HSD17B4: variants seen among roughly 807,000 people sequenced by gnomAD.
HSD17B4 encodes the protein peroxisomal multifunctional enzyme type 2.
Under a neutral mutation model 101.0 loss-of-function variants are expected in HSD17B4, and 70 were observed. The ratio of observed to expected loss-of-function variants is 0.69; its 90% CI spans 0.57 to 0.85. HSD17B4 has a LOEUF of 0.85. Among genes scored for constraint, HSD17B4 ranks in the 40% least tolerant of loss-of-function variants. HSD17B4 has a pLI of 0.00. For synonymous variants in HSD17B4, 347 were observed against 297.1 expected, an observed-to-expected ratio of 1.17 and a Z score of -1.73; for missense variants, 984 against 892.4, an observed-to-expected ratio of 1.10 and a Z score of -1.31.
intron 2 of HSD17B4, among the ~76,000 whole-genome samples, chr5:119,463,187 C>A (rs1284709378): frequency 3.3e-5 from 5 of 152,162 alleles, no homozygotes; most frequent in Non-Finnish European, 5.9e-5. Context: ...GACAGGATTT[C>A]ATTTTTTTAA....
intron 2 of HSD17B4, chr5:119,471,803 G>T (rs1756397446): frequency 6.5e-6 from 4 of 613,712 alleles, no homozygotes; most frequent in Non-Finnish European, 8.3e-6. Flanking sequence ...ATAAATTATT[G>T]TGTAAATTAA....
chr5:119,477,699 T>C, intron 7 of HSD17B4, 198 bp downstream of exon 7: 1 of 565,998 alleles, frequency 1.8e-6, no homozygotes, highest in East Asian at 3.0e-5. Flanking sequence ...GCTGGAAAGC[T>C]TTATATTTAT....
Position 119,509,123 on chromosome 5 carries a change from C to A in HSD17B4, c.1334-18C>A. The A allele has an allele frequency of 7.5e-7, 1 of 1,329,056 alleles. No homozygotes were observed. Among genetic ancestry groups the A allele is most frequent in the Non-Finnish European group, 1.1e-6 (1 of 921,946 alleles). The allele number at this position is 1,329,056 out of a possible 1,614,324, so 82.3% of individuals were successfully genotyped here. On this transcript the variant is annotated intron_variant, in intron 15 of 23. Transcript: ENST00000510025. ...TTGGTGGTAACTTCTTTTATTTTTTCTTTTATTTACTTTTCAGTCTATTCT... is the reference window on the plus strand; with the variant it reads ...TTGGTGGTAACTTCTTTTATTTTTTATTTTATTTACTTTTCAGTCTATTCT...
chr5:119,509,649 A>T (rs545054508), intron 16 of HSD17B4, among the ~76,000 whole-genome samples: 103 of 152,248 alleles, frequency 6.8e-4, no homozygotes, highest in Non-Finnish European at 1.3e-3. Context: ...AGGCCCCAGG[A>T]AACTCCAGAT....
chr5:119,529,144 C>T (rs1022731433), intron 20 of HSD17B4, among the ~76,000 whole-genome samples: 3 of 152,056 alleles, frequency 2.0e-5, no homozygotes, highest in African/African-American at 4.8e-5. Flanking sequence ...AGAGAATGAT[C>T]TTCTTGATTG....
rs114128095 is a variant in HSD17B4, at chr5:119,456,628, C to G, written c.112+260C>G. 3.8e-3 allele frequency: 1,843 copies of G among 479,202 alleles called. 5 individuals carry two copies. Among genetic ancestry groups the G allele is most frequent in the Non-Finnish European group, 5.1e-3 (1,357 of 264,774 alleles). The allele number at this position is 479,202 out of a possible 1,614,324, so 29.7% of individuals were successfully genotyped here. On this transcript the variant is annotated intron_variant, in intron 2 of 23. Transcript: ENST00000510025. ...TAGGCATGCTGGCTTGTGGCTATAA[C>G]TCCAGTGACTCAGGAGGCTGAGGTG...
In HSD17B4 at chr5:119,452,548, C is replaced by CGT. The variant is rs1043176215; in HGVS notation, c.-19_-18dup. ...TCGGCGTCCAGCGGCTCTGCTTGTTCGTGTGTGTGTCGTTGCAGGCCTTAT... is the reference window on the plus strand; with the variant it reads ...TCGGCGTCCAGCGGCTCTGCTTGTTCGTGTGTGTGTGTCGTTGCAGGCCTTAT... On this transcript the variant is annotated 5_prime_UTR_variant, in exon 1 of 24. Coordinates refer to ENST00000510025, the MANE Select transcript of HSD17B4 (RefSeq NM_000414.4). 1.9e-6 allele frequency: 3 copies of CGT among 1,613,824 alleles called. No homozygotes were observed. The highest frequency in any genetic ancestry group is 2.2e-5 in the East Asian group (1 of 44,862).
At chr5:119,473,421 C>G (rs1310388039) in intron 2 of HSD17B4, among the ~76,000 whole-genome samples, 1 of 149,632 alleles carries the variant, frequency 6.7e-6, no homozygotes, top group East Asian at 2.0e-4. Flanking sequence ...CAGGTTCAAG[C>G]AATCCTCCCA....
At chr5:119,481,093 A>G (rs555580336) in intron 8 of HSD17B4, among the ~76,000 whole-genome samples, 40 of 152,318 alleles carry the variant, frequency 2.6e-4, no homozygotes, top group African/African-American at 9.4e-4. Context: ...CTGAGGCGAC[A>G]TACATCCTCC....
At chr5:119,525,467 C>T (rs1217173622) in intron 18 of HSD17B4, among the ~76,000 whole-genome samples, 182 bp downstream of exon 18, 3 of 152,068 alleles carry the variant, frequency 2.0e-5, no homozygotes, top group African/African-American at 7.2e-5. Flanking sequence ...AAATAGTGCA[C>T]TTGAAATTCA....
chr5:119,502,472 A>G (rs1751260928), intron 14 of HSD17B4, among the ~76,000 whole-genome samples: 1 of 152,094 alleles, frequency 6.6e-6, no homozygotes, highest in Non-Finnish European at 1.5e-5. Flanking sequence ...AACAATGTTA[A>G]AAGATACAGA....
intron 14 of HSD17B4, 98 bp downstream of exon 14, chr5:119,502,190 A>C (rs1466320127): frequency 2.5e-6 from 2 of 799,256 alleles, no homozygotes; most frequent in African/African-American, 3.4e-5. Flanking sequence ...AGAGTGACCT[A>C]ATGAAACATA....
At chr5:119,481,493 G>T (rs1429730281) in intron 8 of HSD17B4, among the ~76,000 whole-genome samples, 1 of 152,090 alleles carries the variant, frequency 6.6e-6, no homozygotes, top group African/African-American at 2.4e-5. Flanking sequence ...TTTGATTGTA[G>T]ATCACCACAA....
intron 11 of HSD17B4, among the ~76,000 whole-genome samples, chr5:119,494,969 A>C (rs1007534299): frequency 1.3e-5 from 2 of 152,006 alleles, no homozygotes; most frequent in African/African-American, 2.4e-5. Flanking sequence ...TTGTAGAAAA[A>C]CTTTTTTTTC....
In HSD17B4 at chr5:119,454,676, C is replaced by T. The variant is rs545841296; in HGVS notation, c.59-1639C>T. On this transcript the variant is annotated intron_variant, in intron 1 of 23. Transcript: ENST00000510025. ...TTGCTCTGTTGCCGAGGCTGGAGTG[C>T]AGTGACATGATCTTGGCTGACTGCA... is the stretch of plus-strand genomic sequence containing the variant. Among the ~76,000 whole-genome samples, 14 of 152,210 alleles carry T rather than the reference C, an allele frequency of 9.2e-5. No homozygotes were observed. In the South Asian group the frequency reaches 1.5e-3, roughly 16 times the overall value.
intron 2 of HSD17B4, among the ~76,000 whole-genome samples, chr5:119,463,642 G>A (rs1158475360): frequency 8.7e-6 from 1 of 114,550 alleles, no homozygotes; most frequent in Non-Finnish European, 1.8e-5. Flanking sequence ...ATACTTCTTG[G>A]CCATTTATAT....
intron 2 of HSD17B4, among the ~76,000 whole-genome samples, chr5:119,463,715 T>C (rs988800703): frequency 5.3e-5 from 7 of 131,556 alleles, no homozygotes; most frequent in Admixed American, 5.3e-4. Flanking sequence ...TTGCCCAGGC[T>C]AGAGTGCAAG....
chr5:119,475,555 G>A, intron 4 of HSD17B4, 151 bp from the exon 5 acceptor site: 2 of 644,120 alleles, frequency 3.1e-6, no homozygotes, highest in Admixed American at 2.8e-5. Context: ...TTTGATATAG[G>A]TATAGACTTT....
chr5:119,487,442 T>A (rs1361411255), intron 8 of HSD17B4: 1 of 152,016 alleles, frequency 6.6e-6, no homozygotes, highest in Non-Finnish European at 1.5e-5. Context: ...TAACTTTATA[T>A]CTTAATAGCT....
Sources: allele counts gnomAD v4.1 joint callset (sites outside exome capture counted in the v4.1 genomes callset), GRCh38; gene constraint gnomAD v4.1.1; transcripts MANE v1.5; gene names NCBI Gene and HGNC (gene_info 2026-07-23, HGNC 2026-07-21).